Variants in DNAAF5 observed in about 807,000 individuals in gnomAD.
DNAAF5 encodes HEAT repeat containing 2.
A neutral mutation model predicts 75.8 loss-of-function variants in DNAAF5; 64 were observed. The observed-to-expected ratio is 0.84, with a 90% confidence interval of 0.69 to 1.04. DNAAF5 has a LOEUF of 1.04. DNAAF5 is among the 50% of genes least tolerant of loss of function. DNAAF5 has a pLI of 0.00. For missense variants in DNAAF5, 1,269 were observed against 1,178.5 expected, an observed-to-expected ratio of 1.08 and a Z score of -1.12; for synonymous variants, 657 against 557.2, an observed-to-expected ratio of 1.18 and a Z score of -2.52.
At chr7:774,562 T>C (rs550782330) in intron 10 of DNAAF5, among the ~76,000 whole-genome samples, 55,853 of 152,020 alleles carry the variant, frequency 0.37, 10,519 homozygotes, top group Admixed American at 0.41. Context: ...GCTTTCCGCA[T>C]CGTTTCTATG....
At chr7:763,782 C>G in intron 7 of DNAAF5, 24 bp from the exon 8 acceptor site, 1 of 1,611,236 alleles carries the variant, frequency 6.2e-7, no homozygotes, top group Non-Finnish European at 8.5e-7. Context: ...GGAATTGTCT[C>G]AGTCTCTGAC....
intron 8 of DNAAF5, among the ~76,000 whole-genome samples, chr7:769,524 G>A (rs901753454): frequency 5.3e-5 from 8 of 152,048 alleles, no homozygotes; most frequent in Non-Finnish European, 8.8e-5. Flanking sequence ...GAGTGTGGGC[G>A]GGGTGAGGGC....
chr7:735,022 A>C (rs182025495), intron 2 of DNAAF5, among the ~76,000 whole-genome samples: 99 of 150,738 alleles, frequency 6.6e-4, no homozygotes, highest in African/African-American at 2.3e-3. Flanking sequence ...GGTGTAGTTC[A>C]TGGTGTAGCT....
chr7:741,363 C>G lies in DNAAF5; in HGVS notation c.922C>G (p.Leu308Val). The G allele has an allele frequency of 1.9e-6, 3 of 1,588,964 alleles. No homozygotes were observed. The highest frequency in any genetic ancestry group is 2.6e-6 in the Non-Finnish European group (3 of 1,168,904). The change falls in exon 4 of 13, where the codon CTC becomes GTC. Residue 308 changes from leucine (L) to valine (V), a missense_variant. By Grantham distance (32) the Leu-to-Val change is conservative. Transcript: ENST00000297440. ...VPEVRQLAAS[L>V]WEDVGLQWQK... is the part of the protein sequence containing the mutation. ...GTGCCTCAGGCAGCTGGCTGCCAGC[C>G]TCTGGGAGGACGTTGGCCTGCAGTG...
intron 12 of DNAAF5, among the ~76,000 whole-genome samples, chr7:784,351 C>T (rs1423202525): frequency 1.3e-5 from 2 of 152,198 alleles, no homozygotes; most frequent in African/African-American, 2.4e-5. Context: ...TGGGCCGCTA[C>T]CCCCCTCCCT....
At chr7:779,513 G>A (rs1353162455) in intron 11 of DNAAF5, among the ~76,000 whole-genome samples, 1 of 152,240 alleles carries the variant, frequency 6.6e-6, no homozygotes, top group Admixed American at 6.5e-5. Context: ...ACTGACCACA[G>A]TAGGGGGTTG....
At chr7:753,598 C>CCT (rs1387531787) in intron 4 of DNAAF5, among the ~76,000 whole-genome samples, 3 of 53,118 alleles carry the variant, frequency 5.6e-5, no homozygotes, top group Non-Finnish European at 1.3e-4. Flanking sequence ...GCTTCACAGA[C>CCT]GTGTCTCTCA....
At chr7:750,429 G>T (rs976497169) in intron 4 of DNAAF5, among the ~76,000 whole-genome samples, 2 of 152,230 alleles carry the variant, frequency 1.3e-5, no homozygotes, top group African/African-American at 4.8e-5. Context: ...TGGCACCAGG[G>T]ACTGGTTTTG....
chr7:777,864 C>T (rs952341955), intron 11 of DNAAF5, among the ~76,000 whole-genome samples: 1 of 151,950 alleles, frequency 6.6e-6, no homozygotes, highest in East Asian at 1.9e-4. Flanking sequence ...GGACACGGGA[C>T]GGGGAGGGAC....
chr7:762,336 A>G (rs1456753876), intron 7 of DNAAF5, among the ~76,000 whole-genome samples: 1 of 151,908 alleles, frequency 6.6e-6, no homozygotes, highest in African/African-American at 2.4e-5. Flanking sequence ...AAATACAAAA[A>G]ATTAGCCAGG....
rs570560411 is a variant in DNAAF5, at chr7:762,677, G to A, written c.1614+781G>A. Among the ~76,000 whole-genome samples, 29 of 151,282 alleles carry A rather than the reference G, an allele frequency of 1.9e-4. No homozygotes were observed. The East Asian group carries it at 2.6e-3, about 14-fold the overall frequency. On this transcript the variant is annotated intron_variant, in intron 7 of 12. Coordinates refer to ENST00000297440, the MANE Select transcript of DNAAF5 (RefSeq NM_017802.4). ...CACCCAGGCTGGAGTGCAGTGGCGC[G>A]ATCTCGGCTCACTGCAACTTCTGCC...
At chr7:729,923 C>T in intron 2 of DNAAF5, 76 bp downstream of exon 2, 2 of 1,418,906 alleles carry the variant, frequency 1.4e-6, no homozygotes, top group Non-Finnish European at 9.8e-7. Context: ...TTAACTAACT[C>T]ACTTGTTCTT....
At chr7:744,419 T>C (rs900199860) in intron 4 of DNAAF5, among the ~76,000 whole-genome samples, 1 of 152,240 alleles carries the variant, frequency 6.6e-6, no homozygotes, top group Admixed American at 6.5e-5. Context: ...TGTGTCTTTA[T>C]AGCAGCATGA....
chr7:780,759 A>T (rs1331121052), intron 12 of DNAAF5, among the ~76,000 whole-genome samples: 1 of 151,558 alleles, frequency 6.6e-6, no homozygotes, highest in East Asian at 1.9e-4. Context: ...AGAGCCTTCC[A>T]CGCTCAGTGC....
intron 6 of DNAAF5, among the ~76,000 whole-genome samples, chr7:758,076 C>T (rs1331203719): frequency 1.3e-5 from 2 of 152,228 alleles, no homozygotes; most frequent in Non-Finnish European, 2.9e-5. Flanking sequence ...GGGGAGGGGC[C>T]CGGGCCGCGT....
At chr7:768,992 C>A (rs1305452973) in intron 8 of DNAAF5, 4 of 600,624 alleles carry the variant, frequency 6.7e-6, no homozygotes, top group Non-Finnish European at 1.2e-5. Context: ...AGCTTCGGTG[C>A]AACGCCTCCT....
chr7:742,908 C>G (rs966274373), intron 4 of DNAAF5, among the ~76,000 whole-genome samples: 1 of 151,852 alleles, frequency 6.6e-6, no homozygotes, highest in Non-Finnish European at 1.5e-5. Flanking sequence ...CAGCTCAAAT[C>G]AATCATTCCC....
At chr7:735,091 CTCATGGTGTTCT>C (rs1174141176) in intron 2 of DNAAF5, among the ~76,000 whole-genome samples, 1 of 143,836 alleles carries the variant, frequency 7.0e-6, no homozygotes, top group Admixed American at 7.1e-5. Flanking sequence ...CATACTGTTG[CTCATGGTGTTCT>C]TCATGGTGTA....
At chr7:775,274 C>T (rs1778723032) in intron 11 of DNAAF5, 112 bp downstream of exon 11, 2 of 999,842 alleles carry the variant, frequency 2.0e-6, no homozygotes, top group South Asian at 2.9e-5. Flanking sequence ...CTATCTCGGG[C>T]TGGGTGTGGT....
Sources: gnomAD v4.1 joint callset for allele counts (sites outside exome capture counted in the v4.1 genomes callset) on GRCh38, gnomAD v4.1.1 for gene constraint, MANE v1.5 for transcripts, NCBI Gene and HGNC (gene_info 2026-07-23, HGNC 2026-07-21) for gene names.